The following CRBN variants were observed in gnomAD, a reference collection of about 807,000 sequenced individuals.
CRBN encodes cereblon.
A neutral mutation model predicts 62.2 loss-of-function variants in CRBN; 53 were observed. The ratio of observed to expected loss-of-function variants is 0.85; its 90% CI spans 0.68 to 1.07. The LOEUF (loss-of-function observed/expected upper bound fraction) is 1.07, where lower values mean the gene tolerates loss of function less well. CRBN is among the 50% of genes least tolerant of loss of function. CRBN has a pLI of 0.00. For synonymous variants in CRBN, 208 were observed against 176.1 expected (o/e 1.18, Z -1.43); for missense variants, 616 against 531.1 (o/e 1.16, Z -1.57).
At chr3:3,172,972 TA>T in intron 3 of CRBN, 47 bp from the exon 4 acceptor site, 2 of 1,457,258 alleles carry the variant, frequency 1.4e-6, no homozygotes, top group Non-Finnish European at 1.9e-6. Flanking sequence ...ATTTGAGTTT[TA>T]AATATATGCA....
chr3:3,153,358 CAG>C, intron 9 of CRBN, 64 bp downstream of exon 9: 3 of 949,282 alleles, frequency 3.2e-6, no homozygotes, highest in East Asian at 2.4e-5. Context: ...TTATGGAAAA[CAG>C]AAATACAGTC....
At chr3:3,164,856 T>C (rs139137572) in intron 5 of CRBN, among the ~76,000 whole-genome samples, 3 of 152,220 alleles carry the variant, frequency 2.0e-5, no homozygotes, top group Non-Finnish European at 4.4e-5. Context: ...ACATTTTTCA[T>C]AGGCTATAGC....
At position 3,175,199 on chromosome 3, in the gene CRBN, G is replaced by C; in HGVS notation, c.138C>G (p.Ile46Met). Residue 46 changes from isoleucine (I) to methionine (M), a missense_variant, in exon 2 of 11, where the codon ATC (isoleucine) becomes ATG (methionine). By Grantham distance (10) the Ile-to-Met change is conservative (BLOSUM62 1). Coordinates refer to ENST00000231948, the MANE Select transcript of CRBN (RefSeq NM_016302.4). Reference sequence around the variant, plus strand: ...TCGGCAGACTGGTGTCAAAATTTATGATGTTTGGTTTTTTGGCTTCTTTAC... The same window carrying C: ...TCGGCAGACTGGTGTCAAAATTTATCATGTTTGGTTTTTTGGCTTCTTTAC... ...QDSKEAKKPN[I>M]INFDTSLPTS... 1 of 1,613,254 alleles carries C rather than the reference G, an allele frequency of 6.2e-7. No individual in the cohort carries two copies. Among genetic ancestry groups the C allele is most frequent in the Non-Finnish European group, 8.5e-7 (1 of 1,179,506 alleles).
At chr3:3,170,108 C>A (rs939263722) in intron 4 of CRBN, among the ~76,000 whole-genome samples, 3 of 152,018 alleles carry the variant, frequency 2.0e-5, no homozygotes, top group Non-Finnish European at 4.4e-5. Flanking sequence ...GCCTCCCGAA[C>A]AGCTGGAATT....
intron 3 of CRBN, 147 bp from the exon 4 acceptor site, chr3:3,173,072 G>C: frequency 4.2e-6 from 3 of 706,182 alleles, no homozygotes; most frequent in South Asian, 3.3e-5. Context: ...TTATTTATTT[G>C]TTTGAGATGG....
intron 4 of CRBN, among the ~76,000 whole-genome samples, chr3:3,168,926 A>G (rs1028976386): frequency 3.3e-5 from 5 of 152,204 alleles, no homozygotes; most frequent in African/African-American, 1.2e-4. Context: ...TATTATTATT[A>G]GAGCTCATTA....
chr3:3,156,636 GA>G (rs1173039665), intron 5 of CRBN: 1 of 262,028 alleles, frequency 3.8e-6, no homozygotes, highest in Non-Finnish European at 7.3e-6. Flanking sequence ...TATCTGAAGT[GA>G]AAACCTCAAG....
intron 5 of CRBN, among the ~76,000 whole-genome samples, chr3:3,165,364 C>G (rs981431282): frequency 2.0e-5 from 3 of 152,156 alleles, no homozygotes; most frequent in Admixed American, 6.5e-5. Flanking sequence ...TCAAACAGCG[C>G]CGCATGCTAA....
rs1158454498 is a variant in CRBN at position 3,152,900 on chromosome 3, A to C, written c.1017-313T>G. 22 of 405,910 alleles carry C rather than the reference A, an allele frequency of 5.4e-5. 1 individual carries two copies. The highest frequency in any genetic ancestry group is 7.3e-5 in the Non-Finnish European group (16 of 219,800). 25.1% of individuals were successfully genotyped at this position (405,910 alleles called of 1,614,324 possible). A position where few individuals can be genotyped will look rare whatever the true frequency, so the allele number is the denominator to read the frequency against. On this transcript the variant is annotated intron_variant, in intron 9 of 10. Transcript: ENST00000231948. The stretch of plus-strand genomic sequence containing the variant: ...TCAAATGCTTCTAAAGGAGTCTGAG[A>C]GTGTAAGTGCAATGACAAGGTCCTG...
intron 5 of CRBN, among the ~76,000 whole-genome samples, chr3:3,157,391 CAT>C (rs1298665079): frequency 2.6e-5 from 4 of 152,104 alleles, no homozygotes; most frequent in African/African-American, 9.7e-5. Context: ...TGTTAATTGA[CAT>C]GTGACATGAC....
At chr3:3,177,522 G>T (rs1488739224) in intron 1 of CRBN, among the ~76,000 whole-genome samples, 4 of 152,152 alleles carry the variant, frequency 2.6e-5, no homozygotes, top group African/African-American at 9.7e-5. Context: ...CTATCTAAAT[G>T]GATGACAAAA....
chr3:3,150,753 A>C lies in CRBN; in HGVS notation c.*112T>G. On this transcript the variant is annotated 3_prime_UTR_variant, in exon 11 of 11. Transcript: ENST00000231948. ...CAACCCTCCAAGTAATGTTATGTTT[A>C]CTTAGGTATTAATGTTATGTTTACT... The C allele has an allele frequency of 2.0e-6, 2 of 1,019,044 alleles. No homozygotes were observed. The highest frequency in any genetic ancestry group is 1.5e-6 in the Non-Finnish European group (1 of 688,090). 63.1% of individuals were successfully genotyped at this position (1,019,044 alleles called of 1,614,324 possible). A position where few individuals can be genotyped will look rare whatever the true frequency, so the allele number is the denominator to read the frequency against.
In CRBN at chr3:3,179,624, G is replaced by A. The variant is rs1303398008; in HGVS notation, c.64C>T (p.Pro22Ser). ...GGGAACTACTCCGGGCGGTTACCAG[G>A]CAGGAGCGGCAGGTGGTTGCCCATG... ...HNMGNHLPLL[P>S]AESEEEDEME... The change falls in exon 1 of 11, where the codon CCT becomes TCT. Residue 22 changes from proline (P) to serine (S), a missense_variant. Pro to Ser is a moderately conservative substitution (Grantham distance 74, BLOSUM62 -1). Coordinates refer to ENST00000231948, the MANE Select transcript of CRBN (RefSeq NM_016302.4). 1.7e-5 allele frequency: 28 copies of A among 1,613,446 alleles called. No individual in the cohort carries two copies. Among genetic ancestry groups the A allele is most frequent in the Non-Finnish European group, 2.3e-5 (27 of 1,179,640 alleles).
intron 3 of CRBN, 29 bp from the exon 4 acceptor site, chr3:3,172,954 T>C: frequency 1.3e-6 from 2 of 1,594,904 alleles, no homozygotes; most frequent in Non-Finnish European, 1.7e-6. Context: ...AAGGAAAGAA[T>C]TTTGAACATT....
chr3:3,154,900 A>G lies in CRBN; in HGVS notation c.751-69T>C, dbSNP rs1706814581. 8.1e-6 allele frequency: 7 copies of G among 862,060 alleles called. No individual in the cohort carries two copies. In the Admixed American group the frequency reaches 8.7e-5, roughly 11 times the overall value. The allele number at this position is 862,060 out of a possible 1,614,324, so 53.4% of individuals were successfully genotyped here. On this transcript the variant is annotated intron_variant, in intron 6 of 10. Coordinates refer to ENST00000231948, the MANE Select transcript of CRBN (RefSeq NM_016302.4). ...TTAAAATTTACTATTAAGCTTTTCA[A>G]CTCTTAAAACTAACACTGGTAGCAA...
rs767493312 is a variant in CRBN, at chr3:3,152,524, A to T, written c.1080T>A (p.Leu360=). Residue 360 remains leucine, a synonymous_variant, in exon 10 of 11, where the codon CTT becomes CTA. Transcript: ENST00000231948. ...TCAAGTTGCAAGCCTTATACACAGTAAGTGTCTCATGCACATATCCATGAG... is the reference window on the plus strand; with the variant it reads ...TCAAGTTGCAAGCCTTATACACAGTTAGTGTCTCATGCACATATCCATGAG... ...VNPHGYVHET[L]TVYKACNLNL... is the part of the protein sequence containing the mutation. 6 of 1,613,938 alleles carry T rather than the reference A, an allele frequency of 3.7e-6. No individual in the cohort carries two copies. In the African/African-American group the frequency reaches 8.0e-5, roughly 22 times the overall value.
At chr3:3,155,128 G>A (rs1706827954) in intron 6 of CRBN, 2 of 405,048 alleles carry the variant, frequency 4.9e-6, no homozygotes, top group East Asian at 4.6e-5. Flanking sequence ...CCTCTCTTCT[G>A]CCTTCTATTA....
chr3:3,167,903 C>G, intron 4 of CRBN, 110 bp from the exon 5 acceptor site: 1 of 1,010,160 alleles, frequency 9.9e-7, no homozygotes, highest in Admixed American at 2.0e-5. Flanking sequence ...CAAGTTTTAT[C>G]TTTTAAACAT....
At chr3:3,159,380 G>A (rs1261699447) in intron 5 of CRBN, among the ~76,000 whole-genome samples, 1 of 152,072 alleles carries the variant, frequency 6.6e-6, no homozygotes, top group African/African-American at 2.4e-5. Context: ...TCCTCATTCA[G>A]TTATTAAAAT....
Sources: gnomAD v4.1 joint callset for allele counts (sites outside exome capture counted in the v4.1 genomes callset) on GRCh38, gnomAD v4.1.1 for gene constraint, MANE v1.5 for transcripts, NCBI Gene and HGNC (gene_info 2026-07-23, HGNC 2026-07-21) for gene names.